The following PCSK5 variants were observed in gnomAD, a reference collection of about 807,000 sequenced individuals.
The protein encoded by PCSK5 is proprotein convertase subtilisin/kexin type 5.
Under a neutral mutation model 233.2 loss-of-function variants are expected in PCSK5, and 129 were observed. The observed-to-expected ratio is 0.55, with a 90% CI of 0.48 to 0.64. The LOEUF is 0.64. PCSK5 is among the 30% of genes least tolerant of loss of function. PCSK5 has a pLI of 0.00. For synonymous variants in PCSK5, 825 were observed against 879.2 expected (o/e 0.94, Z 1.09); for missense variants, 2,076 against 2,430.1 (o/e 0.85, Z 3.06).
intron 34 of PCSK5, 30 bp downstream of exon 34, chr9:76,332,640 A>G: frequency 6.8e-7 from 1 of 1,468,286 alleles, no homozygotes; most frequent in Non-Finnish European, 9.3e-7. Context: ...TCCCCCATGT[A>G]ATTTCACAGC....
At chr9:75,974,494 C>T (rs549935012) in intron 2 of PCSK5, among the ~76,000 whole-genome samples, 101 of 152,218 alleles carry the variant, frequency 6.6e-4, no homozygotes, top group African/African-American at 2.4e-3. Context: ...GCATTTTTCC[C>T]TGAGGCCGAA....
At chr9:76,022,487 G>C (rs1047863448) in intron 3 of PCSK5, among the ~76,000 whole-genome samples, 4 of 151,984 alleles carry the variant, frequency 2.6e-5, no homozygotes, top group African/African-American at 7.2e-5. Context: ...GGAAAGACCT[G>C]GGGTGGCTCG....
At chr9:76,174,309 ATTT>A (rs199929777) in intron 13 of PCSK5, among the ~76,000 whole-genome samples, 1 of 143,288 alleles carries the variant, frequency 7.0e-6, no homozygotes, top group African/African-American at 2.6e-5. Flanking sequence ...CCAAAAAAAA[ATTT>A]TTTTTTTTTT....
At chr9:76,253,759 G>A (rs1009052043) in intron 24 of PCSK5, among the ~76,000 whole-genome samples, 1 of 152,244 alleles carries the variant, frequency 6.6e-6, no homozygotes, top group Non-Finnish European at 1.5e-5. Flanking sequence ...CTGAGGGTTA[G>A]AGAAATGTTG....
At chr9:76,298,685 A>C (rs1189911206) in intron 27 of PCSK5, among the ~76,000 whole-genome samples, 8 of 152,094 alleles carry the variant, frequency 5.3e-5, no homozygotes, top group African/African-American at 1.9e-4. Context: ...ATAGGAGAGG[A>C]GAGGCTTCCA....
At chr9:75,954,701 C>T (rs1277344517) in intron 2 of PCSK5, among the ~76,000 whole-genome samples, 1 of 152,138 alleles carries the variant, frequency 6.6e-6, no homozygotes, top group Non-Finnish European at 1.5e-5. Flanking sequence ...GAGATACACA[C>T]ATACCCCGTG....
chr9:75,923,261 C>G (rs893411723), intron 1 of PCSK5, among the ~76,000 whole-genome samples: 4 of 152,132 alleles, frequency 2.6e-5, no homozygotes, highest in African/African-American at 7.2e-5. Flanking sequence ...GAGTAATTCT[C>G]CTTCCTTTGG....
intron 2 of PCSK5, among the ~76,000 whole-genome samples, chr9:75,963,967 T>C (rs1825466789): frequency 1.3e-5 from 2 of 152,250 alleles, no homozygotes; most frequent in South Asian, 4.1e-4. Flanking sequence ...ACATCCCAGC[T>C]CTGCACATTT....
Position 76,343,538 on chromosome 9 carries a change from G to A in PCSK5, c.4966+5091G>A, listed in dbSNP as rs574152101. 1.3e-3 allele frequency among the ~76,000 whole-genome samples: 204 copies of A among 152,078 alleles called. 1 individual carries two copies. The highest frequency in any genetic ancestry group is 4.6e-3 in the African/African-American group (192 of 41,476). ...TTTAATTTAGTATGTTTGCGTATGA[G>A]GCCCTTCAGCATAGAGCTCTTCTCA... On this transcript the variant is annotated intron_variant, in intron 35 of 37. Coordinates refer to ENST00000674117, the MANE Select transcript of PCSK5 (RefSeq NM_001372043.1).
At chr9:76,351,429 CCT>C (rs1166665189) in intron 36 of PCSK5, among the ~76,000 whole-genome samples, 2 of 96,234 alleles carry the variant, frequency 2.1e-5, no homozygotes, top group African/African-American at 7.7e-5. Flanking sequence ...ACCGCCCCCC[CCT>C]GCAATGTGAA....
chr9:75,957,888 A>C (rs964176638), intron 2 of PCSK5, among the ~76,000 whole-genome samples: 1 of 152,180 alleles, frequency 6.6e-6, no homozygotes, highest in African/African-American at 2.4e-5. Flanking sequence ...GTTTTCTTTT[A>C]GGTAATTCTA....
intron 3 of PCSK5, among the ~76,000 whole-genome samples, chr9:76,007,060 A>G (rs1244928759): frequency 6.6e-6 from 1 of 152,148 alleles, no homozygotes; most frequent in African/African-American, 2.4e-5. Context: ...CCTTTCTTCA[A>G]TGCTCCTGAT....
At chr9:76,010,782 C>G (rs1412735633) in intron 3 of PCSK5, among the ~76,000 whole-genome samples, 1 of 152,166 alleles carries the variant, frequency 6.6e-6, no homozygotes, top group Non-Finnish European at 1.5e-5. Flanking sequence ...AAACTATGTT[C>G]TAAAATATGT....
rs1830435252 is a variant in PCSK5 at position 76,361,771 on chromosome 9, A to G, written c.*2849A>G. 6.6e-6 allele frequency: 1 copy of G among 152,242 alleles called. No individual in the cohort carries two copies. Among genetic ancestry groups the G allele is most frequent in the Non-Finnish European group, 1.5e-5 (1 of 68,044 alleles). 9.4% of individuals were successfully genotyped at this position (152,242 alleles called of 1,614,324 possible). A position where few individuals can be genotyped will look rare whatever the true frequency, so the allele number is the denominator to read the frequency against. ...CCTGATAGTTCTACTTTCAATTCTT[A>G]GAAACATATAAAAATATATGCATGA... On this transcript the variant is annotated 3_prime_UTR_variant, in exon 38 of 38. Coordinates refer to ENST00000674117, the MANE Select transcript of PCSK5 (RefSeq NM_001372043.1).
At chr9:76,258,204 A>G (rs1827045385) in intron 24 of PCSK5, among the ~76,000 whole-genome samples, 1 of 152,232 alleles carries the variant, frequency 6.6e-6, no homozygotes, top group Non-Finnish European at 1.5e-5. Context: ...AACCTCTGAT[A>G]TGGACCAGAA....
At chr9:76,095,815 T>G in intron 7 of PCSK5, 75 bp from the exon 8 acceptor site, 1 of 1,335,896 alleles carries the variant, frequency 7.5e-7, no homozygotes. Flanking sequence ...CCTACTCAGT[T>G]TGGCTCAGTG....
chr9:76,233,699 T>G (rs1416952567), intron 22 of PCSK5, 103 bp downstream of exon 22: 1 of 1,046,606 alleles, frequency 9.6e-7, no homozygotes. Context: ...GGGCTGAGGG[T>G]TAAGATCAGA....
intron 14 of PCSK5, among the ~76,000 whole-genome samples, chr9:76,178,068 G>C (rs1040761335): frequency 6.6e-6 from 1 of 152,026 alleles, no homozygotes; most frequent in African/African-American, 2.4e-5. Flanking sequence ...TAGAGACACA[G>C]ATGGCGTTAT....
At chr9:75,901,341 A>C (rs909950760) in intron 1 of PCSK5, among the ~76,000 whole-genome samples, 2 of 152,182 alleles carry the variant, frequency 1.3e-5, no homozygotes, top group Admixed American at 6.5e-5. Flanking sequence ...TGAAGCTGGA[A>C]GCCATCATTC....
Sources: gnomAD v4.1 joint callset for allele counts (sites outside exome capture counted in the v4.1 genomes callset) on GRCh38, gnomAD v4.1.1 for gene constraint, MANE v1.5 for transcripts, NCBI Gene and HGNC (gene_info 2026-07-23, HGNC 2026-07-21) for gene names.